The following SHANK2 variants were observed in gnomAD, a reference collection of about 807,000 sequenced individuals.
SHANK2 encodes SH3 and multiple ankyrin repeat domains protein 2.
A neutral mutation model predicts 133.7 loss-of-function variants in SHANK2; 43 were observed. The ratio of observed to expected loss-of-function variants is 0.32; its 90% CI spans 0.25 to 0.41. The LOEUF (loss-of-function observed/expected upper bound fraction) is 0.41, where lower values mean the gene tolerates loss of function less well. SHANK2 is among the 10% of genes least tolerant of loss of function. The probability of loss-of-function intolerance (pLI) is 1.00; values close to 1 mark genes in which losing one functional copy is unlikely to be tolerated. For synonymous variants in SHANK2, 1,017 were observed against 952.8 expected (o/e 1.07, Z -1.24); for missense variants, 1,994 against 2,235.8 (o/e 0.89, Z 2.18).
intron 14 of SHANK2, among the ~76,000 whole-genome samples, chr11:70,796,283 A>G (rs1477960072): frequency 6.6e-6 from 1 of 152,140 alleles, no homozygotes; most frequent in Admixed American, 6.5e-5. Context: ...CCTCCTGCAC[A>G]CTATCCTGGA....
chr11:70,492,629 C>T (rs77257411), intron 21 of SHANK2, among the ~76,000 whole-genome samples, 164 bp from the exon 22 acceptor site: 30 of 152,252 alleles, frequency 2.0e-4, no homozygotes, highest in African/African-American at 6.5e-4. Flanking sequence ...CATGCATTCC[C>T]ACTGGGGCAT....
At position 70,719,369 on chromosome 11, in the gene SHANK2, G is replaced by A. The variant is rs903926084; in HGVS notation, c.1778-20606C>T. On this transcript the variant is annotated intron_variant, in intron 14 of 25. Transcript: ENST00000601538. ...CTGTGCCCACCCACTATCCATGCCT[G>A]CTGCCCCAGCACTCCTGGGGACATG... Among the ~76,000 whole-genome samples the A allele has an allele frequency of 3.9e-5, 6 of 152,364 alleles. No homozygotes were observed. The East Asian group carries it at 9.6e-4, about 25-fold the overall frequency.
At chr11:70,594,601 G>C (rs189961680) in intron 17 of SHANK2, among the ~76,000 whole-genome samples, 1 of 152,116 alleles carries the variant, frequency 6.6e-6, no homozygotes, top group Non-Finnish European at 1.5e-5. Flanking sequence ...GGCTGAGGGC[G>C]GGCAGGGGCA....
intron 9 of SHANK2, among the ~76,000 whole-genome samples, chr11:71,061,971 CTTTT>C (rs1216736346): frequency 9.1e-5 from 10 of 109,552 alleles, no homozygotes; most frequent in Middle Eastern, 0.011. Context: ...GTCTTTCTTT[CTTTT>C]TTTTTTTTTT....
rs887009823 is a variant in SHANK2 at position 70,783,727 on chromosome 11, T to G, written c.1777+14716A>C. ...GGTTGGGGGTGCTGGGTCCACAGGG[T>G]TTGTTTTATAACTGCCCACTGGACG... is the stretch of plus-strand genomic sequence containing the variant. On this transcript the variant is annotated intron_variant, in intron 14 of 25. Transcript: ENST00000601538. Among the ~76,000 whole-genome samples, 40 of 151,986 alleles carry G rather than the reference T, an allele frequency of 2.6e-4. 2 individuals are homozygous for G. Among genetic ancestry groups the G allele is most frequent in the Admixed American group, 2.4e-3 (37 of 15,256 alleles).
Position 70,472,885 on chromosome 11 carries a change from T to A in SHANK2, c.5534A>T (p.Gln1845Leu), listed in dbSNP as rs1251273724. The A allele has an allele frequency of 2.5e-6, 4 of 1,614,114 alleles. No individual in the cohort carries two copies. Among genetic ancestry groups the A allele is most frequent in the Non-Finnish European group, 3.4e-6 (4 of 1,180,048 alleles). Residue 1845 changes from glutamine (Q) to leucine (L), a missense_variant, in exon 26 of 26, where the codon CAG (glutamine) becomes CTG (leucine). Gln to Leu is a moderately radical substitution (Grantham distance 113, BLOSUM62 -2). Transcript: ENST00000601538. This position sits in a 1 kb window ranked among gnomAD's most constrained non-coding sequence, Gnocchi z 4.4. ...HRMNIERALKQLLDR is the reference protein window; with the variant it reads ...HRMNIERALKLLLDR The stretch of plus-strand genomic sequence containing the variant: ...CAGCCGTCCTTATCTGTCCAGCAGC[T>A]GTTTCAAAGCCCTTTCTATGTTCAT...
At chr11:70,786,971 A>T (rs552703837) in intron 14 of SHANK2, among the ~76,000 whole-genome samples, 1 of 152,006 alleles carries the variant, frequency 6.6e-6, no homozygotes, top group Admixed American at 6.5e-5. Context: ...TATCATCACC[A>T]TGACCACCAC....
At position 70,472,992 on chromosome 11, in the gene SHANK2, G is replaced by C; in HGVS notation, c.5427C>G (p.Asp1809Glu). 1 of 1,614,210 alleles carries C rather than the reference G, an allele frequency of 6.2e-7. No individual in the cohort carries two copies. Among genetic ancestry groups the C allele is most frequent in the Non-Finnish European group, 8.5e-7 (1 of 1,180,050 alleles). Residue 1809 changes from aspartate to glutamate, a missense_variant, in exon 26 of 26, where the codon GAC becomes GAG. This residue lies in a region of SHANK2 where 42 missense variants were observed against 79.9 expected (regional missense o/e 0.53). Coordinates refer to ENST00000601538, the MANE Select transcript of SHANK2 (RefSeq NM_012309.5). The surrounding 1 kb of genome is among the most constrained non-coding windows in gnomAD (Gnocchi z 4.4). ...NLGEHKEAFMDNEIDGSHLPN... is the reference protein window; with the variant it reads ...NLGEHKEAFMENEIDGSHLPN... Reference sequence around the variant, plus strand: ...GTAAGTGACTGCCATCGATCTCATTGTCCATGAAGGCCTCTTTATGTTCAC... The same window carrying C: ...GTAAGTGACTGCCATCGATCTCATTCTCCATGAAGGCCTCTTTATGTTCAC...
chr11:71,080,610 C>G (rs1204914509), intron 8 of SHANK2, among the ~76,000 whole-genome samples: 3 of 152,160 alleles, frequency 2.0e-5, no homozygotes, highest in Non-Finnish European at 4.4e-5. Flanking sequence ...TTGTTCCCAA[C>G]CACACTTAGG....
intron 12 of SHANK2, among the ~76,000 whole-genome samples, chr11:70,819,598 C>T (rs1169964609): frequency 6.6e-6 from 1 of 152,194 alleles, no homozygotes; most frequent in Non-Finnish European, 1.5e-5. Context: ...AGACCCAGAC[C>T]TGGAGTTGGA....
At chr11:70,922,416 A>G (rs1950364884) in intron 10 of SHANK2, among the ~76,000 whole-genome samples, 1 of 152,240 alleles carries the variant, frequency 6.6e-6, no homozygotes, top group Admixed American at 6.5e-5. Flanking sequence ...ATAAATCTCA[A>G]ATGAGATAAA....
At chr11:70,511,737 G>A (rs2059207208) in intron 17 of SHANK2, among the ~76,000 whole-genome samples, 1 of 152,212 alleles carries the variant, frequency 6.6e-6, no homozygotes, top group East Asian at 1.9e-4. Context: ...TTTACAGAGT[G>A]AGTGAATCAC....
At chr11:70,735,208 G>A (rs1275428751) in intron 14 of SHANK2, among the ~76,000 whole-genome samples, 1 of 152,214 alleles carries the variant, frequency 6.6e-6, no homozygotes, top group Non-Finnish European at 1.5e-5. Flanking sequence ...GGCGGGGACT[G>A]AGGACAGAGG....
intron 17 of SHANK2, among the ~76,000 whole-genome samples, chr11:70,596,660 C>T (rs1330277006): frequency 6.6e-6 from 1 of 152,242 alleles, no homozygotes; most frequent in Admixed American, 6.5e-5. Context: ...CTGGTGGCTG[C>T]CCCTTCCCTC....
chr11:70,776,815 C>T (rs782760725), intron 14 of SHANK2, among the ~76,000 whole-genome samples: 1 of 151,540 alleles, frequency 6.6e-6, no homozygotes, highest in Non-Finnish European at 1.5e-5. Flanking sequence ...CCCACCTGTC[C>T]ATCCCTTAAC....
chr11:70,554,178 C>T (rs782354180), intron 17 of SHANK2, among the ~76,000 whole-genome samples: 1 of 152,232 alleles, frequency 6.6e-6, no homozygotes, highest in Non-Finnish European at 1.5e-5. Flanking sequence ...GCAACCCTCC[C>T]CTCCTGATAA....
chr11:70,803,866 T>C (rs1948106266), intron 13 of SHANK2, among the ~76,000 whole-genome samples: 1 of 151,988 alleles, frequency 6.6e-6, no homozygotes, highest in Non-Finnish European at 1.5e-5. Flanking sequence ...ACACACCTAT[T>C]TTTGGGCACC....
Position 70,658,264 on chromosome 11 carries a change from GACACACACACACACACAGACACACACAC to G in SHANK2, c.2061+1536_2061+1563del, listed in dbSNP as rs1565220510. ...ACACACAGACACACACACACACACA[GACACACACACACACACAGACACACACAC>G]ACACACACACACACAGACACACACA... On this transcript the variant is annotated intron_variant, in intron 17 of 25. Transcript: ENST00000601538. Among the ~76,000 whole-genome samples the G allele has an allele frequency of 1.1e-3, 107 of 99,298 alleles. 2 individuals are homozygous for G. The highest frequency in any genetic ancestry group is 5.1e-3 in the East Asian group (17 of 3,346). 65.1% of individuals were successfully genotyped at this position (99,298 alleles called of 152,430 possible).
At chr11:70,835,910 G>A (rs1198614580) in intron 11 of SHANK2, among the ~76,000 whole-genome samples, 2 of 152,116 alleles carry the variant, frequency 1.3e-5, no homozygotes, top group East Asian at 1.9e-4. Context: ...GCTCCCTCTC[G>A]GACCTCAGTG....
Sources: gnomAD v4.1 joint callset for allele counts (sites outside exome capture counted in the v4.1 genomes callset) on GRCh38, gnomAD v4.1.1 for gene constraint, gnomAD v4.1.1 regional missense constraint, Gnocchi (gnomAD v3.1) non-coding constraint, MANE v1.5 for transcripts, NCBI Gene and HGNC (gene_info 2026-07-23, HGNC 2026-07-21) for gene names.